The following CSMD3 variants were observed in gnomAD, a reference collection of about 807,000 sequenced individuals.
The protein encoded by CSMD3 is CUB and Sushi multiple domains 3.
A neutral mutation model predicts 435.2 loss-of-function variants in CSMD3; 177 were observed. That is an observed-to-expected ratio of 0.41 (90% CI 0.36 to 0.46). The LOEUF (loss-of-function observed/expected upper bound fraction) is 0.46, where lower values mean the gene tolerates loss of function less well. CSMD3 is among the 20% of genes least tolerant of loss of function. The pLI, the probability that CSMD3 is intolerant of heterozygous loss-of-function variation, is 0.34. For missense variants in CSMD3, 4,265 were observed against 4,504.6 expected (o/e 0.95, Z 1.52); for synonymous variants, 1,656 against 1,520.5 (o/e 1.09, Z -2.07).
intron 27 of CSMD3, among the ~76,000 whole-genome samples, chr8:112,545,276 G>A (rs181514122): frequency 2.3e-3 from 344 of 152,082 alleles, no homozygotes; most frequent in African/African-American, 8.0e-3. Context: ...AAGGTCAGGA[G>A]ATCGAGACCA....
intron 31 of CSMD3, among the ~76,000 whole-genome samples, chr8:112,482,028 C>T (rs1819666583): frequency 6.6e-6 from 1 of 152,010 alleles, no homozygotes; most frequent in Non-Finnish European, 1.5e-5. Context: ...AATTCCATAT[C>T]AGTGTGGTAA....
At position 113,112,527 on chromosome 8, in the gene CSMD3, G is replaced by T. The variant is rs189944129; in HGVS notation, c.710-13564C>A. 1.6e-3 allele frequency among the ~76,000 whole-genome samples: 229 copies of T among 145,982 alleles called. 1 individual carries two copies. Among genetic ancestry groups the T allele is most frequent in the Non-Finnish European group, 2.6e-3 (173 of 66,760 alleles). ...CTTGTGAGTGTCCTCAGCAAGAGTT[G>T]CTCTTTATTTTGTGTTGCAACTCCA... On this transcript the variant is annotated intron_variant, in intron 4 of 70. Coordinates refer to ENST00000297405, the MANE Select transcript of CSMD3 (RefSeq NM_198123.2).
intron 26 of CSMD3, among the ~76,000 whole-genome samples, chr8:112,551,678 G>T (rs1047966424): frequency 6.6e-6 from 1 of 151,848 alleles, no homozygotes; most frequent in African/African-American, 2.4e-5. Context: ...ATAAACTGGG[G>T]ATGATATAGT....
At position 113,300,117 on chromosome 8, in the gene CSMD3, G is replaced by A. The variant is rs1218423839; in HGVS notation, c.401+14454C>T. Among the ~76,000 whole-genome samples, 4 of 142,186 alleles carry A rather than the reference G, an allele frequency of 2.8e-5. No homozygotes were observed. The East Asian group carries it at 6.6e-4, about 23-fold the overall frequency. The allele number at this position is 142,186 out of a possible 152,430, so 93.3% of individuals were successfully genotyped here. A position where few individuals can be genotyped will look rare whatever the true frequency, so the allele number is the denominator to read the frequency against. On this transcript the variant is annotated intron_variant, in intron 2 of 70. Coordinates refer to ENST00000297405, the MANE Select transcript of CSMD3 (RefSeq NM_198123.2). ...TGCAGTAAGCCAATGTGGCACCACT[G>A]CACTCCAGCCTGGGTGACAGAGTGA...
chr8:113,117,707 G>A (rs1366456303), intron 4 of CSMD3, among the ~76,000 whole-genome samples: 1 of 152,170 alleles, frequency 6.6e-6, no homozygotes, highest in African/African-American at 2.4e-5. Context: ...CAAAGCCAAG[G>A]GTCAGAGCTG....
chr8:112,684,819 T>A (rs1482869529), intron 15 of CSMD3, among the ~76,000 whole-genome samples: 1 of 152,180 alleles, frequency 6.6e-6, no homozygotes, highest in Admixed American at 6.6e-5. Flanking sequence ...ATTATTCACA[T>A]GCATCACCTA....
intron 4 of CSMD3, among the ~76,000 whole-genome samples, chr8:113,102,017 TA>T (rs2090345166): frequency 6.6e-6 from 1 of 152,102 alleles, no homozygotes. Context: ...TTGGGACAAG[TA>T]AAAGGCAGCA....
chr8:112,307,070 A>C (rs1304775418), intron 50 of CSMD3, among the ~76,000 whole-genome samples: 1 of 151,644 alleles, frequency 6.6e-6, no homozygotes, highest in Non-Finnish European at 1.5e-5. Context: ...TAACATGTAC[A>C]TAATCTTTCA....
intron 13 of CSMD3, among the ~76,000 whole-genome samples, chr8:112,741,787 TAGAG>T (rs1563915504): frequency 9.0e-6 from 1 of 111,006 alleles, no homozygotes; most frequent in Non-Finnish European, 1.9e-5. Flanking sequence ...GATAGATAGA[TAGAG>T]AGAAGATAGA....
rs142895049 is a variant in CSMD3, at chr8:113,138,225, G to C, written c.709+35497C>G. Among the ~76,000 whole-genome samples, 4 of 151,502 alleles carry C rather than the reference G, an allele frequency of 2.6e-5. No homozygotes were observed. In the East Asian group the frequency reaches 7.8e-4, roughly 29 times the overall value. ...GTATTTATAGACTGTCTTGAAGTAT[G>C]TCATCCATAATTGTGGACATGTATA... On this transcript the variant is annotated intron_variant, in intron 4 of 70. Coordinates refer to ENST00000297405, the MANE Select transcript of CSMD3 (RefSeq NM_198123.2).
chr8:112,521,378 C>T (rs1170667676), intron 27 of CSMD3, among the ~76,000 whole-genome samples: 1 of 151,928 alleles, frequency 6.6e-6, no homozygotes, highest in Admixed American at 6.6e-5. Context: ...TTTCAAAAAC[C>T]TTTCAGCAAC....
At chr8:112,747,439 A>G (rs1378042301) in intron 13 of CSMD3, among the ~76,000 whole-genome samples, 3 of 151,904 alleles carry the variant, frequency 2.0e-5, no homozygotes, top group African/African-American at 4.8e-5. Flanking sequence ...ATGAAAGTTG[A>G]TAGATTTGGA....
At chr8:113,281,407 T>G (rs889439857) in intron 2 of CSMD3, among the ~76,000 whole-genome samples, 2 of 151,996 alleles carry the variant, frequency 1.3e-5, no homozygotes, top group Admixed American at 6.6e-5. Flanking sequence ...CAAGGCCTTT[T>G]ACCATCATAT....
chr8:113,122,248 A>C (rs2131639613), intron 4 of CSMD3, among the ~76,000 whole-genome samples: 1 of 152,190 alleles, frequency 6.6e-6, no homozygotes, highest in Middle Eastern at 3.4e-3. Context: ...CTTATTCATA[A>C]GTCTATATTA....
At chr8:112,662,879 T>G (rs1472388671) in intron 17 of CSMD3, among the ~76,000 whole-genome samples, 1 of 152,088 alleles carries the variant, frequency 6.6e-6, no homozygotes, top group Non-Finnish European at 1.5e-5. Flanking sequence ...GAACAGACAC[T>G]TCTCAAAAGA....
At chr8:113,329,273 TA>T (rs2094009273) in intron 1 of CSMD3, among the ~76,000 whole-genome samples, 1 of 151,066 alleles carries the variant, frequency 6.6e-6, no homozygotes, top group African/African-American at 2.4e-5. Context: ...TCTCACCAAA[TA>T]AATAACACTA....
intron 30 of CSMD3, among the ~76,000 whole-genome samples, chr8:112,494,374 G>A (rs1164825741): frequency 6.8e-6 from 1 of 148,070 alleles, no homozygotes; most frequent in African/African-American, 2.5e-5. Flanking sequence ...ATACTTAAAG[G>A]CTCACGACCC....
At chr8:112,237,835 A>T (rs1813732654) in intron 66 of CSMD3, among the ~76,000 whole-genome samples, 1 of 152,050 alleles carries the variant, frequency 6.6e-6, no homozygotes, top group Admixed American at 6.6e-5. Context: ...CCCCTTACAG[A>T]ATACTGAGTT....
intron 12 of CSMD3, among the ~76,000 whole-genome samples, chr8:112,820,711 T>C (rs1038158348): frequency 6.6e-6 from 1 of 151,782 alleles, no homozygotes. Flanking sequence ...TACGTAGGTA[T>C]ACACGTGCCA....
Sources: allele counts gnomAD v4.1 joint callset (sites outside exome capture counted in the v4.1 genomes callset), GRCh38; gene constraint gnomAD v4.1.1; transcripts MANE v1.5; gene names NCBI Gene and HGNC (gene_info 2026-07-23, HGNC 2026-07-21).